The following CTR9 variants were observed in gnomAD, a reference collection of about 807,000 sequenced individuals.
CTR9 encodes the protein CTR9 component of Paf1/RNA polymerase II complex.
CTR9 carries 41 observed loss-of-function variants against 152.1 expected under a neutral mutation model. The observed-to-expected ratio is 0.27, with a 90% confidence interval of 0.21 to 0.35. The LOEUF (loss-of-function observed/expected upper bound fraction) is 0.35. Among genes scored for constraint, CTR9 ranks in the 10% least tolerant of loss-of-function variants. CTR9 has a pLI of 1.00. For missense variants in CTR9, 917 were observed against 1,424.4 expected (o/e 0.64, Z 5.73); for synonymous variants, 476 against 496.2 (o/e 0.96, Z 0.54).
rs1182364924 is a variant in CTR9 at position 10,775,289 on chromosome 11, GAGA to G, written c.2973_2975del (p.Lys993del). 1 of 1,613,820 alleles carries G rather than the reference GAGA, an allele frequency of 6.2e-7. No homozygotes were observed. The highest frequency in any genetic ancestry group is 8.5e-7 in the Non-Finnish European group (1 of 1,179,928). On this transcript the variant is annotated inframe_deletion, in exon 23 of 25. Transcript: ENST00000361367. Reference sequence around the variant, plus strand: ...AAAAAAACGACGTCCACCAAAAGCAGAGAAGAAAAAGGCTGTAAGTTTATAGTA... The same window carrying G: ...AAAAAAACGACGTCCACCAAAAGCAGAGAAAAAGGCTGTAAGTTTATAGTA...
At chr11:10,769,793 A>C (rs1328593584) in intron 16 of CTR9, among the ~76,000 whole-genome samples, 1 of 152,222 alleles carries the variant, frequency 6.6e-6, no homozygotes, top group Non-Finnish European at 1.5e-5. Context: ...AAGACTCCTC[A>C]TGCTCATTGC....
chr11:10,770,710 G>A (rs781032213), intron 18 of CTR9, 78 bp downstream of exon 18: 33 of 1,336,642 alleles, frequency 2.5e-5, no homozygotes, highest in Non-Finnish European at 3.2e-5. Flanking sequence ...TCCCGATTTT[G>A]TCTGAAATGC....
At chr11:10,757,121 C>CA (rs1314092940) in intron 5 of CTR9, among the ~76,000 whole-genome samples, 1 of 150,832 alleles carries the variant, frequency 6.6e-6, no homozygotes, top group Non-Finnish European at 1.5e-5. Flanking sequence ...CCTGTCTCTA[C>CA]AAAAAATAAA....
intron 7 of CTR9, 89 bp from the exon 8 acceptor site, chr11:10,763,342 A>G: frequency 1.2e-6 from 1 of 837,038 alleles, no homozygotes; most frequent in Non-Finnish European, 2.0e-6. Flanking sequence ...AATGTATCTT[A>G]CAGGTAAACG....
intron 1 of CTR9, among the ~76,000 whole-genome samples, chr11:10,751,879 C>T (rs1433816909): frequency 6.6e-6 from 1 of 152,098 alleles, no homozygotes; most frequent in Non-Finnish European, 1.5e-5. Context: ...TAGGAGGTCG[C>T]CTCTTCTCCC....
chr11:10,773,733 A>G (rs372153726), intron 21 of CTR9, among the ~76,000 whole-genome samples: 1 of 152,078 alleles, frequency 6.6e-6, no homozygotes, highest in African/African-American at 2.4e-5. Context: ...AAAAGTACAG[A>G]AATTAGCCAG....
At chr11:10,776,492 G>T (rs1472516007) in intron 24 of CTR9, among the ~76,000 whole-genome samples, 3 of 152,080 alleles carry the variant, frequency 2.0e-5, no homozygotes, top group Non-Finnish European at 4.4e-5. Flanking sequence ...TCTCAACCAG[G>T]TCTCTTAATA....
At chr11:10,765,758 G>A (rs1330488761) in intron 12 of CTR9, among the ~76,000 whole-genome samples, 3 of 152,156 alleles carry the variant, frequency 2.0e-5, no homozygotes, top group African/African-American at 4.8e-5. Context: ...CACCGTGCCC[G>A]GCATATCAGG....
chr11:10,768,777 G>C (rs1474391547), intron 16 of CTR9, among the ~76,000 whole-genome samples: 1 of 152,224 alleles, frequency 6.6e-6, no homozygotes, highest in Non-Finnish European at 1.5e-5. Flanking sequence ...ATAGAATTTT[G>C]TGAGGATCCC....
chr11:10,755,963 T>C (rs1057506852), intron 4 of CTR9, among the ~76,000 whole-genome samples, 168 bp downstream of exon 4: 5 of 152,194 alleles, frequency 3.3e-5, no homozygotes, highest in Admixed American at 6.5e-5. Context: ...ATTGTAGAAA[T>C]AAAATATATA....
intron 5 of CTR9, among the ~76,000 whole-genome samples, chr11:10,758,830 A>G (rs1036902865): frequency 2.0e-5 from 3 of 152,208 alleles, no homozygotes; most frequent in Admixed American, 6.5e-5. Context: ...AATTGCTGTG[A>G]CATAGGCACC....
At chr11:10,773,319 T>A in intron 21 of CTR9, 46 bp downstream of exon 21, 1 of 1,589,882 alleles carries the variant, frequency 6.3e-7, no homozygotes, top group South Asian at 1.2e-5. Context: ...TTCTCTGTCT[T>A]TTGGCTTTGA....
intron 21 of CTR9, 88 bp downstream of exon 21, chr11:10,773,361 T>C: frequency 2.7e-6 from 4 of 1,497,968 alleles, no homozygotes; most frequent in Non-Finnish European, 3.6e-6. Flanking sequence ...ATTCCTTCTG[T>C]ACTTACTAGT....
chr11:10,775,475 C>G (rs1863217702), intron 23 of CTR9, 46 bp from the exon 24 acceptor site: 1 of 1,511,030 alleles, frequency 6.6e-7, no homozygotes, highest in East Asian at 2.3e-5. Flanking sequence ...ACAAGATGGC[C>G]TAATGTAAGA....
At chr11:10,764,859 C>T in intron 12 of CTR9, 128 bp downstream of exon 12, 1 of 826,308 alleles carries the variant, frequency 1.2e-6, no homozygotes. Context: ...CCCATTTCTC[C>T]AGGGCAAATT....
At chr11:10,776,915 G>A (rs1394929527) in intron 24 of CTR9, among the ~76,000 whole-genome samples, 6 of 131,956 alleles carry the variant, frequency 4.5e-5, no homozygotes, top group Admixed American at 4.3e-4. Flanking sequence ...AGAGGTTGAA[G>A]TGAGCTGAGA....
At chr11:10,759,067 G>A (rs766607407) in intron 5 of CTR9, among the ~76,000 whole-genome samples, 5 of 152,154 alleles carry the variant, frequency 3.3e-5, no homozygotes, top group Non-Finnish European at 5.9e-5. Context: ...CAGAAAGGCT[G>A]GAATTCAGGA....
Position 10,764,339 on chromosome 11 carries a change from G to A in CTR9, c.1316G>A (p.Arg439Gln). 6.2e-7 allele frequency: 1 copy of A among 1,614,030 alleles called. No individual in the cohort carries two copies. The highest frequency in any genetic ancestry group is 8.5e-7 in the Non-Finnish European group (1 of 1,179,986). ...CTTTCAGCCTATGGAACAGCAACAC[G>A]AATCCTTCAGGAGAAAGTGCAGGCC... ...GALSAYGTAT[R>Q]ILQEKVQADV... Residue 439 changes from arginine (R) to glutamine (Q), a missense_variant, in exon 11 of 25, where the codon CGA becomes CAA. By Grantham distance (43) the Arg-to-Gln change is conservative (BLOSUM62 1). Coordinates refer to ENST00000361367, the MANE Select transcript of CTR9 (RefSeq NM_014633.5).
chr11:10,755,635 T>C, intron 3 of CTR9, 43 bp from the exon 4 acceptor site: 1 of 1,242,796 alleles, frequency 8.0e-7, no homozygotes, highest in Non-Finnish European at 1.2e-6. Context: ...TACATGTTCA[T>C]GGTATATAGG....
Sources: gnomAD v4.1 joint callset for allele counts (sites outside exome capture counted in the v4.1 genomes callset) on GRCh38, gnomAD v4.1.1 for gene constraint, MANE v1.5 for transcripts, NCBI Gene and HGNC (gene_info 2026-07-23, HGNC 2026-07-21) for gene names.